WDPCP: variants seen among roughly 807,000 people sequenced by gnomAD.
The protein encoded by WDPCP is WD repeat containing planar cell polarity effector.
Under a neutral mutation model 93.1 loss-of-function variants are expected in WDPCP, and 71 were observed. The observed-to-expected ratio is 0.76, with a 90% CI of 0.63 to 0.93. WDPCP has a LOEUF of 0.93. WDPCP is among the 40% of genes least tolerant of loss of function. The pLI is 0.00. For synonymous variants in WDPCP, 315 were observed against 315.0 expected, an observed-to-expected ratio of 1.00 and a Z score of 0.00; for missense variants, 844 against 887.4, an observed-to-expected ratio of 0.95 and a Z score of 0.62.
chr2:63,501,618 G>T (rs542056188), intron 1 of WDPCP, among the ~76,000 whole-genome samples: 1 of 152,118 alleles, frequency 6.6e-6, no homozygotes, highest in East Asian at 1.9e-4. Flanking sequence ...TCCTTTGTTT[G>T]TTTCTTTCTT....
At chr2:63,131,256 G>A in intron 17 of WDPCP, among the ~76,000 whole-genome samples, 1 of 151,712 alleles carries the variant, frequency 6.6e-6, no homozygotes, top group East Asian at 1.9e-4. Flanking sequence ...TGGCTTTTTG[G>A]TTCCTCATTT....
intron 13 of WDPCP, among the ~76,000 whole-genome samples, chr2:63,288,444 C>T (rs889029412): frequency 1.3e-5 from 2 of 152,170 alleles, no homozygotes; most frequent in African/African-American, 4.8e-5. Context: ...GACTTCCAAA[C>T]CACACAGCAT....
chr2:63,511,694 T>C (rs1027348811), intron 1 of WDPCP, among the ~76,000 whole-genome samples: 5 of 152,170 alleles, frequency 3.3e-5, no homozygotes, highest in African/African-American at 1.2e-4. Context: ...TGGCTAGCCA[T>C]ATGCAGAAAA....
chr2:63,255,172 T>C (rs911011578), intron 14 of WDPCP, among the ~76,000 whole-genome samples: 1 of 152,140 alleles, frequency 6.6e-6, no homozygotes, highest in African/African-American at 2.4e-5. Flanking sequence ...GGGAAAACTT[T>C]ATGCTAACTG....
intron 6 of WDPCP, among the ~76,000 whole-genome samples, chr2:63,452,139 A>G (rs1053645366): frequency 3.9e-5 from 6 of 152,306 alleles, no homozygotes; most frequent in Admixed American, 3.9e-4. Flanking sequence ...TTAGGAAAAG[A>G]GGAAGTCAAA....
At chr2:63,292,087 C>T (rs1224753262) in intron 13 of WDPCP, among the ~76,000 whole-genome samples, 8 of 135,152 alleles carry the variant, frequency 5.9e-5, no homozygotes, top group Non-Finnish European at 1.1e-4. Context: ...GAGCCGAGAT[C>T]GCGCCACTGC....
intron 6 of WDPCP, among the ~76,000 whole-genome samples, chr2:63,447,570 TCTG>T (rs1697951295): frequency 6.6e-6 from 1 of 152,182 alleles, no homozygotes; most frequent in African/African-American, 2.4e-5. Flanking sequence ...GTCCCTCGTC[TCTG>T]CTATTTAACT....
chr2:63,558,851 G>C (rs1168415339), intron 1 of WDPCP, among the ~76,000 whole-genome samples: 1 of 152,114 alleles, frequency 6.6e-6, no homozygotes, highest in Non-Finnish European at 1.5e-5. Context: ...TCTACCACAG[G>C]TACAAAGAGG....
chr2:63,289,661 C>A (rs980334044), intron 13 of WDPCP, among the ~76,000 whole-genome samples: 1 of 151,900 alleles, frequency 6.6e-6, no homozygotes, highest in African/African-American at 2.4e-5. Flanking sequence ...GATATAGGTT[C>A]AAAAAATGTC....
chr2:63,672,436 A>G (rs79186994), intron 2 of WDPCP, among the ~76,000 whole-genome samples: 1 of 152,306 alleles, frequency 6.6e-6, no homozygotes, highest in East Asian at 1.9e-4. Context: ...TTGTCATAGA[A>G]ATATTTGCAT....
chr2:63,122,816 T>A (rs13389366), intron 17 of WDPCP, among the ~76,000 whole-genome samples: 40,658 of 152,032 alleles, frequency 0.27, 6,426 homozygotes, highest in East Asian at 0.51. Flanking sequence ...CATGTCATAA[T>A]TGGAGACATT....
At chr2:63,247,845 C>G (rs1462065885) in intron 14 of WDPCP, among the ~76,000 whole-genome samples, 1 of 151,748 alleles carries the variant, frequency 6.6e-6, no homozygotes, top group African/African-American at 2.4e-5. Context: ...TTTTGTTACT[C>G]ATTTCCTCCA....
At chr2:63,637,093 C>A (rs1172248090) in intron 3 of WDPCP, among the ~76,000 whole-genome samples, 11 of 152,094 alleles carry the variant, frequency 7.2e-5, no homozygotes, top group Non-Finnish European at 2.9e-5. Context: ...GTAGCTCATG[C>A]CTGTAATCCC....
chr2:63,358,173 A>C lies in WDPCP; in HGVS notation c.1748+20213T>G, dbSNP rs192065979. On this transcript the variant is annotated intron_variant, in intron 12 of 17. Coordinates refer to ENST00000272321, the MANE Select transcript of WDPCP (RefSeq NM_015910.7). The stretch of plus-strand genomic sequence containing the variant: ...TGGGTAATGAAATAATCTGTACAAC[A>C]ACCATCATGACACATGTTTATGTAT... Among the ~76,000 whole-genome samples the C allele has an allele frequency of 1.1e-4, 16 of 152,280 alleles. No individual in the cohort carries two copies. The South Asian group carries it at 3.1e-3, about 30-fold the overall frequency.
intron 13 of WDPCP, among the ~76,000 whole-genome samples, chr2:63,273,826 C>CACAT (rs1491201949): frequency 9.4e-4 from 15 of 16,018 alleles, no homozygotes; most frequent in East Asian, 4.0e-3. Flanking sequence ...CACACACACA[C>CACAT]GCACACACAC....
intron 2 of WDPCP, among the ~76,000 whole-genome samples, chr2:63,702,306 G>A (rs370110177): frequency 2.2e-4 from 34 of 152,260 alleles, no homozygotes; most frequent in Admixed American, 1.8e-3. Context: ...GATTACAGGC[G>A]TGAGCCACCG....
At chr2:63,807,573 C>A (rs1478448910) in intron 2 of WDPCP, among the ~76,000 whole-genome samples, 1 of 152,088 alleles carries the variant, frequency 6.6e-6, no homozygotes, top group African/African-American at 2.4e-5. Flanking sequence ...TTCTTTATGG[C>A]AATGCAAGTG....
intron 3 of WDPCP, among the ~76,000 whole-genome samples, chr2:63,620,565 C>G (rs1709724343): frequency 6.6e-6 from 1 of 152,194 alleles, no homozygotes; most frequent in African/African-American, 2.4e-5. Context: ...TGGGACAGAG[C>G]ACCTGGGGGA....
At chr2:63,399,470 G>C (rs1402088047) in intron 10 of WDPCP, among the ~76,000 whole-genome samples, 2 of 152,022 alleles carry the variant, frequency 1.3e-5, no homozygotes, top group Non-Finnish European at 2.9e-5. Flanking sequence ...TTGCAAAGCT[G>C]TTGTGAGTAG....
Sources: gnomAD v4.1 joint callset for allele counts (sites outside exome capture counted in the v4.1 genomes callset) on GRCh38, gnomAD v4.1.1 for gene constraint, MANE v1.5 for transcripts, NCBI Gene and HGNC (gene_info 2026-07-23, HGNC 2026-07-21) for gene names.